Variants in TENT5B observed in about 807,000 individuals in gnomAD.
TENT5B encodes the protein family with sequence similarity 46 member B.
A neutral mutation model predicts 21.7 loss-of-function variants in TENT5B; 12 were observed. The observed-to-expected ratio is 0.55, with a 90% CI of 0.36 to 0.90. The LOEUF (loss-of-function observed/expected upper bound fraction) is 0.90. TENT5B is among the 40% of genes least tolerant of loss of function. The probability of loss-of-function intolerance (pLI) is 0.01; values close to 1 mark genes in which losing one functional copy is unlikely to be tolerated. For synonymous variants in TENT5B, 262 were observed against 266.6 expected (o/e 0.98, Z 0.17); for missense variants, 540 against 601.5 (o/e 0.90, Z 1.07).
chr1:27,005,940 T>C lies in TENT5B; in HGVS notation c.*4A>G. The stretch of plus-strand genomic sequence containing the variant: ...AGTCCCTTCCCTTCTGGCCAGGGTC[T>C]GAGTCAGTTACAAGGCAGCCAGGTG... On this transcript the variant is annotated 3_prime_UTR_variant, in exon 2 of 2. Coordinates refer to ENST00000289166, the MANE Select transcript of TENT5B (RefSeq NM_052943.4). 3 of 1,551,630 alleles carry C rather than the reference T, an allele frequency of 1.9e-6. No homozygotes were observed. The highest frequency in any genetic ancestry group is 2.6e-6 in the Non-Finnish European group (3 of 1,145,184).
At chr1:27,009,328 C>T (rs192177957) in intron 1 of TENT5B, among the ~76,000 whole-genome samples, 7 of 152,208 alleles carry the variant, frequency 4.6e-5, no homozygotes, top group East Asian at 1.9e-4. Context: ...CACAAGATCA[C>T]GTGGAGATGC....
At chr1:27,011,301 A>C (rs2082622814) in intron 1 of TENT5B, among the ~76,000 whole-genome samples, 1 of 152,130 alleles carries the variant, frequency 6.6e-6, no homozygotes, top group Admixed American at 6.5e-5. Flanking sequence ...AGGTAGTAGG[A>C]GGCAGGGGAA....
intron 1 of TENT5B, among the ~76,000 whole-genome samples, chr1:27,010,019 C>CAG (rs1272390407): frequency 3.3e-5 from 5 of 152,254 alleles, no homozygotes; most frequent in Non-Finnish European, 5.9e-5. Flanking sequence ...CACTCTGCTC[C>CAG]AGGCTGCTGC....
rs61738585 is a variant in TENT5B, at chr1:27,006,457, G to A, written c.765C>T (p.Thr255=). 1.3e-4 allele frequency: 208 copies of A among 1,613,758 alleles called. No individual in the cohort carries two copies. In the African/African-American group the frequency reaches 2.3e-3, roughly 17 times the overall value. The change falls in exon 2 of 2, where the codon ACC becomes ACT. Residue 255 remains threonine (T), a synonymous_variant. Coordinates refer to ENST00000289166, the MANE Select transcript of TENT5B (RefSeq NM_052943.4). This position sits in a 1 kb window ranked among gnomAD's most constrained non-coding sequence, Gnocchi z 9.4. ...GGTGCCGCAGGTGCTCCAGGGCCTC[G>A]GTGAAGTCCCCGTACAGGCTTTCGC... ...VTGESLYGDF[T]EALEHLRHRV... is the part of the protein sequence containing the mutation.
At chr1:27,007,105 A>C (rs1276624743) in intron 1 of TENT5B, 148 bp from the exon 2 acceptor site, 1 of 36,694 alleles carries the variant, frequency 2.7e-5, no homozygotes, top group Non-Finnish European at 4.8e-5. Context: ...TTTTTTTTTT[A>C]TTGGGTGGGG....
At chr1:27,011,159 C>T (rs545379882) in intron 1 of TENT5B, among the ~76,000 whole-genome samples, 2 of 148,770 alleles carry the variant, frequency 1.3e-5, no homozygotes, top group South Asian at 4.1e-4. Context: ...AGGAATGCCT[C>T]GGCGAACTCC....
At position 27,012,684 on chromosome 1, in the gene TENT5B, G is replaced by A. The variant is rs1022555561; in HGVS notation, c.-14C>T. The A allele has an allele frequency of 6.2e-6, 9 of 1,453,134 alleles. No individual in the cohort carries two copies. The highest frequency in any genetic ancestry group is 4.5e-5 in the African/African-American group (3 of 66,138). The allele number at this position is 1,453,134 out of a possible 1,614,324, so 90.0% of individuals were successfully genotyped here. ...CGACGGCATCATCCGCCCGGCCCCC[G>A]GGCCCCGACGGCAGAAACCGTGGGG... On this transcript the variant is annotated 5_prime_UTR_variant, in exon 1 of 2. Coordinates refer to ENST00000289166, the MANE Select transcript of TENT5B (RefSeq NM_052943.4).
chr1:27,009,203 A>C (rs1298846418), intron 1 of TENT5B, among the ~76,000 whole-genome samples: 1 of 151,716 alleles, frequency 6.6e-6, no homozygotes, highest in Admixed American at 6.6e-5. Context: ...TCCCGGACTC[A>C]AGCTATTCCC....
At chr1:27,011,020 C>A (rs2082621408) in intron 1 of TENT5B, among the ~76,000 whole-genome samples, 1 of 152,194 alleles carries the variant, frequency 6.6e-6, no homozygotes. Flanking sequence ...GCTCCACCTT[C>A]CCCTCCCTGC....
At position 27,012,689 on chromosome 1, in the gene TENT5B, C is replaced by G; in HGVS notation, c.-19G>C. ...GCATCATCCGCCCGGCCCCCGGGCC[C>G]CGACGGCAGAAACCGTGGGGGTGGT... On this transcript the variant is annotated 5_prime_UTR_variant, in exon 1 of 2. Transcript: ENST00000289166. 6.9e-7 allele frequency: 1 copy of G among 1,452,054 alleles called. No homozygotes were observed. The highest frequency in any genetic ancestry group is 9.0e-7 in the Non-Finnish European group (1 of 1,117,068). 89.9% of individuals were successfully genotyped at this position (1,452,054 alleles called of 1,614,324 possible).
intron 1 of TENT5B, among the ~76,000 whole-genome samples, chr1:27,011,663 TGGA>T (rs2082624061): frequency 6.6e-6 from 1 of 152,112 alleles, no homozygotes; most frequent in Non-Finnish European, 1.5e-5. Flanking sequence ...AGGGAAGAGT[TGGA>T]GGAGGGAGGG....
At chr1:27,007,921 A>C (rs2082608464) in intron 1 of TENT5B, among the ~76,000 whole-genome samples, 2 of 152,190 alleles carry the variant, frequency 1.3e-5, no homozygotes, top group African/African-American at 4.8e-5. Context: ...ACCAGAACCC[A>C]GGTTAGTTGG....
chr1:27,006,808 T>C lies in TENT5B; in HGVS notation c.414A>G (p.Ala138=). 6.2e-7 allele frequency: 1 copy of C among 1,614,026 alleles called. No homozygotes were observed. The highest frequency in any genetic ancestry group is 8.5e-7 in the Non-Finnish European group (1 of 1,180,022). The change falls in exon 2 of 2, where the codon GCA becomes GCG. Residue 138 remains alanine, a synonymous_variant. Coordinates refer to ENST00000289166, the MANE Select transcript of TENT5B (RefSeq NM_052943.4). The surrounding 1 kb of genome is among the most constrained non-coding windows in gnomAD (Gnocchi z 9.4). ...CCACTGCCTTGGTCAGCTGGAAGGA[T>C]GCCTCACTGCGCAGGTCCACCCGGA... ...LVFRVDLRSE[A]SFQLTKAVVL...
In TENT5B at chr1:27,006,517, A is replaced by G; in HGVS notation, c.705T>C (p.Thr235=). ...SLLLFGQCSS[T]PMSEAFHPTV... is the part of the protein sequence containing the mutation. The stretch of plus-strand genomic sequence containing the variant: ...TTGGGTGGAAGGCCTCAGACATGGG[A>G]GTGGACGAGCACTGGCCAAAGAGCA... Residue 235 remains threonine, a synonymous_variant, in exon 2 of 2, where the codon ACT becomes ACC. Transcript: ENST00000289166. The surrounding 1 kb of genome is among the most constrained non-coding windows in gnomAD (Gnocchi z 9.4). 6.2e-7 allele frequency: 1 copy of G among 1,614,024 alleles called. No homozygotes were observed. Among genetic ancestry groups the G allele is most frequent in the Non-Finnish European group, 8.5e-7 (1 of 1,179,976 alleles).
At position 27,012,797 on chromosome 1, in the gene TENT5B, G is replaced by A. The variant is rs1472394846; in HGVS notation, c.-127C>T. ...GCAGGGACGGGGCGGCAACGACGGC[G>A]AGACAAAGCCAGGGAACACCTCAGA... On this transcript the variant is annotated 5_prime_UTR_variant, in exon 1 of 2. Coordinates refer to ENST00000289166, the MANE Select transcript of TENT5B (RefSeq NM_052943.4). The A allele has an allele frequency of 1.5e-5, 18 of 1,216,970 alleles. No homozygotes were observed. Among genetic ancestry groups the A allele is most frequent in the Non-Finnish European group, 1.9e-5 (18 of 931,032 alleles). The allele number at this position is 1,216,970 out of a possible 1,614,324, so 75.4% of individuals were successfully genotyped here. A position where few individuals can be genotyped will look rare whatever the true frequency, so the allele number is the denominator to read the frequency against.
In TENT5B at chr1:27,012,758, CG is replaced by C; in HGVS notation, c.-89del. The C allele has an allele frequency of 5.5e-6, 7 of 1,263,804 alleles. No individual in the cohort carries two copies. The highest frequency in any genetic ancestry group is 6.0e-6 in the Non-Finnish European group (6 of 994,108). The allele number at this position is 1,263,804 out of a possible 1,614,324, so 78.3% of individuals were successfully genotyped here. A position where few individuals can be genotyped will look rare whatever the true frequency, so the allele number is the denominator to read the frequency against. On this transcript the variant is annotated 5_prime_UTR_variant, in exon 1 of 2. Coordinates refer to ENST00000289166, the MANE Select transcript of TENT5B (RefSeq NM_052943.4). ...GAGAGCGGCTGGGCAGGGGCCAAGG[CG>C]GGGGGCACGAAGGCAGGGACGGGGC...
intron 1 of TENT5B, among the ~76,000 whole-genome samples, chr1:27,008,883 T>C (rs1176126430): frequency 6.6e-6 from 1 of 150,652 alleles, no homozygotes; most frequent in African/African-American, 2.4e-5. Context: ...ATTACAGGCA[T>C]GAGGTACTAT....
At position 27,005,743 on chromosome 1, in the gene TENT5B, C is replaced by T; in HGVS notation, c.*201G>A. 1 of 619,586 alleles carries T rather than the reference C, an allele frequency of 1.6e-6. No individual in the cohort carries two copies. Among genetic ancestry groups the T allele is most frequent in the Non-Finnish European group, 2.6e-6 (1 of 389,002 alleles). The allele number at this position is 619,586 out of a possible 1,614,324, so 38.4% of individuals were successfully genotyped here. ...TGTGATGCAATAACCAAAGGGTCCT[C>T]CTGCTGAGAGCCCCAGGCTGGCATT... On this transcript the variant is annotated 3_prime_UTR_variant, in exon 2 of 2. Coordinates refer to ENST00000289166, the MANE Select transcript of TENT5B (RefSeq NM_052943.4).
In TENT5B at chr1:27,012,641, G is replaced by A. The variant is rs2082630098; in HGVS notation, c.30C>T (p.Arg10=). ...CCACCTGAGCAGCCGCCCGGTCCCT[G>A]CGCTCAGCTCCGCTCTCCGACGGCA... MMPSESGAE[R]RDRAAAQVGT... The change falls in exon 1 of 2, where the codon CGC becomes CGT. Residue 10 remains arginine (R), a synonymous_variant. Coordinates refer to ENST00000289166, the MANE Select transcript of TENT5B (RefSeq NM_052943.4). 6.6e-7 allele frequency: 1 copy of A among 1,505,134 alleles called. No individual in the cohort carries two copies. The highest frequency in any genetic ancestry group is 2.6e-5 in the East Asian group (1 of 38,814). 93.2% of individuals were successfully genotyped at this position (1,505,134 alleles called of 1,614,324 possible).
Sources: gnomAD v4.1 joint callset for allele counts (sites outside exome capture counted in the v4.1 genomes callset) on GRCh38, gnomAD v4.1.1 for gene constraint, Gnocchi (gnomAD v3.1) non-coding constraint, MANE v1.5 for transcripts, NCBI Gene and HGNC (gene_info 2026-07-23, HGNC 2026-07-21) for gene names.